The following NDST4 variants were observed in gnomAD, a reference collection of about 807,000 sequenced individuals.
The protein encoded by NDST4 is N-heparan sulfate sulfotransferase 4.
In NDST4, 63 loss-of-function variants were observed where a neutral mutation model predicts 100.8. The observed-to-expected ratio is 0.62, with a 90% CI of 0.51 to 0.77. The LOEUF is 0.77. Ranked by LOEUF, NDST4 falls within the 30% of genes least tolerant of loss-of-function variation. The pLI, the probability that NDST4 is intolerant of heterozygous loss-of-function variation, is 0.00. For synonymous variants in NDST4, 377 were observed against 361.8 expected, an observed-to-expected ratio of 1.04 and a Z score of -0.48; for missense variants, 943 against 1,018.4, an observed-to-expected ratio of 0.93 and a Z score of 1.01.
At position 115,050,858 on chromosome 4, in the gene NDST4, G is replaced by A. The variant is rs1373230373; in HGVS notation, c.978+25201C>T. On this transcript the variant is annotated intron_variant, in intron 2 of 13. Coordinates refer to ENST00000264363, the MANE Select transcript of NDST4 (RefSeq NM_022569.3). The stretch of plus-strand genomic sequence containing the variant: ...CTATAGAAATAAGTAATTTATATGT[G>A]GCTTGATGAAATACAATCTTCTTCA... Among the ~76,000 whole-genome samples the A allele has an allele frequency of 2.0e-5, 3 of 152,036 alleles. 1 individual carries two copies. Among genetic ancestry groups the A allele is most frequent in the African/African-American group, 7.2e-5 (3 of 41,438 alleles).
chr4:114,888,267 T>C (rs1394706738), intron 6 of NDST4, among the ~76,000 whole-genome samples: 3 of 151,826 alleles, frequency 2.0e-5, no homozygotes, highest in Middle Eastern at 3.2e-3. Context: ...TACCTTGCCT[T>C]TGTGCATTTC....
chr4:114,929,494 G>A (rs1008470961), intron 6 of NDST4, among the ~76,000 whole-genome samples: 1 of 151,984 alleles, frequency 6.6e-6, no homozygotes, highest in Non-Finnish European at 1.5e-5. Context: ...GTCTGTCCTG[G>A]TCTCTATCAT....
intron 12 of NDST4, among the ~76,000 whole-genome samples, chr4:114,830,435 A>G (rs1028348731): frequency 4.6e-5 from 7 of 152,190 alleles, no homozygotes; most frequent in Non-Finnish European, 7.4e-5. Context: ...AACAAATTAG[A>G]AGTGTAAAAA....
intron 6 of NDST4, among the ~76,000 whole-genome samples, chr4:114,922,242 T>G (rs926688819): frequency 6.6e-6 from 1 of 152,170 alleles, no homozygotes; most frequent in South Asian, 2.1e-4. Flanking sequence ...GGCTCAAGCA[T>G]GCACAGTAAG....
chr4:114,933,887 C>G lies in NDST4; in HGVS notation c.1536+1319G>C, dbSNP rs113078387. Among the ~76,000 whole-genome samples, 2,198 of 152,200 alleles carry G rather than the reference C, an allele frequency of 0.014. 93 individuals carry two copies. In the South Asian group the frequency reaches 0.16, roughly 11 times the overall value. On this transcript the variant is annotated intron_variant, in intron 6 of 13. Coordinates refer to ENST00000264363, the MANE Select transcript of NDST4 (RefSeq NM_022569.3). Reference sequence around the variant, plus strand: ...TGGCGAGGATGTGGAGAAAGGGGAACATTTGAACACTGTTGCTAGAAATAT... The same window carrying G: ...TGGCGAGGATGTGGAGAAAGGGGAAGATTTGAACACTGTTGCTAGAAATAT...
At chr4:114,874,776 GAT>G (rs762911206) in intron 6 of NDST4, among the ~76,000 whole-genome samples, 2 of 152,124 alleles carry the variant, frequency 1.3e-5, no homozygotes. Context: ...GAATTCAAAA[GAT>G]ATGTGGTATG....
Position 114,828,422 on chromosome 4 carries a change from A to G in NDST4, c.2500-487T>C, listed in dbSNP as rs528895987. On this transcript the variant is annotated intron_variant, in intron 13 of 13. Coordinates refer to ENST00000264363, the MANE Select transcript of NDST4 (RefSeq NM_022569.3). Reference sequence around the variant, plus strand: ...GCAATATTATGCAAAATTTTTATACATTTACTCAGAGCTGAAATATATTTT... The same window carrying G: ...GCAATATTATGCAAAATTTTTATACGTTTACTCAGAGCTGAAATATATTTT... Among the ~76,000 whole-genome samples the G allele has an allele frequency of 9.2e-5, 14 of 152,314 alleles. No homozygotes were observed. The South Asian group carries it at 2.9e-3, about 32-fold the overall frequency.
At chr4:114,918,192 TA>T (rs1253072269) in intron 6 of NDST4, among the ~76,000 whole-genome samples, 8 of 151,966 alleles carry the variant, frequency 5.3e-5, no homozygotes, top group Non-Finnish European at 1.2e-4. Flanking sequence ...TTAAAAATGT[TA>T]AAATATGCCC....
chr4:114,974,611 C>T (rs1726588687), intron 3 of NDST4, among the ~76,000 whole-genome samples: 2 of 152,220 alleles, frequency 1.3e-5, no homozygotes, highest in South Asian at 2.1e-4. Context: ...TCCATTCAAG[C>T]TCTAAATATT....
At chr4:115,081,338 G>C (rs1331670641) in intron 1 of NDST4, among the ~76,000 whole-genome samples, 1 of 152,078 alleles carries the variant, frequency 6.6e-6, no homozygotes, top group Non-Finnish European at 1.5e-5. Flanking sequence ...AGGAAGCCTG[G>C]ACCATACAAC....
intron 2 of NDST4, among the ~76,000 whole-genome samples, chr4:115,000,502 T>A (rs961085977): frequency 6.6e-6 from 1 of 152,060 alleles, no homozygotes; most frequent in Non-Finnish European, 1.5e-5. Context: ...TATTTACACA[T>A]GGACCCAAAA....
chr4:114,966,204 G>C (rs1198648632), intron 4 of NDST4, among the ~76,000 whole-genome samples: 7 of 151,840 alleles, frequency 4.6e-5, no homozygotes, highest in Admixed American at 2.6e-4. Context: ...CCACACACAT[G>C]TACACCCCCA....
rs549786651 is a variant in NDST4, at chr4:115,024,177, A to G, written c.979-46903T>C. On this transcript the variant is annotated intron_variant, in intron 2 of 13. Coordinates refer to ENST00000264363, the MANE Select transcript of NDST4 (RefSeq NM_022569.3). ...CCCACTAGGAAAATGCCCAGCAAAAACACAGGAGTGAAGCCACTCTAGAGA... is the reference window on the plus strand; with the variant it reads ...CCCACTAGGAAAATGCCCAGCAAAAGCACAGGAGTGAAGCCACTCTAGAGA... Among the ~76,000 whole-genome samples, 6 of 152,222 alleles carry G rather than the reference A, an allele frequency of 3.9e-5. No individual in the cohort carries two copies. The South Asian group carries it at 1.2e-3, about 32-fold the overall frequency.
At chr4:115,082,916 A>C (rs1269865041) in intron 1 of NDST4, among the ~76,000 whole-genome samples, 1 of 152,188 alleles carries the variant, frequency 6.6e-6, no homozygotes, top group Non-Finnish European at 1.5e-5. Context: ...AAAAATGTCT[A>C]CCAAAAATGG....
chr4:114,890,659 CCT>C (rs939783225), intron 6 of NDST4, among the ~76,000 whole-genome samples: 3 of 151,742 alleles, frequency 2.0e-5, no homozygotes, highest in Non-Finnish European at 2.9e-5. Context: ...CTAACTTTAT[CCT>C]CTCTCTCTCT....
intron 6 of NDST4, among the ~76,000 whole-genome samples, chr4:114,920,778 G>T (rs1473084749): frequency 6.6e-6 from 1 of 152,160 alleles, no homozygotes; most frequent in Non-Finnish European, 1.5e-5. Flanking sequence ...TGTTAGGTGT[G>T]AAGTTCAATG....
chr4:115,061,588 A>C (rs1239870770), intron 2 of NDST4, among the ~76,000 whole-genome samples: 1 of 150,706 alleles, frequency 6.6e-6, no homozygotes, highest in Non-Finnish European at 1.5e-5. Context: ...ACACATTGAC[A>C]CAGGGAGGGG....
chr4:114,940,526 G>A (rs1029860125), intron 4 of NDST4, among the ~76,000 whole-genome samples: 2 of 152,140 alleles, frequency 1.3e-5, no homozygotes, highest in African/African-American at 2.4e-5. Flanking sequence ...CTAACAGGAC[G>A]GGGAGCATGT....
In NDST4 at chr4:115,076,628, G is replaced by T; in HGVS notation, c.409C>A (p.Leu137Met). Residue 137 changes from leucine (L) to methionine (M), a missense_variant, in exon 2 of 14, where the codon CTG (leucine) becomes ATG (methionine). By Grantham distance (15) the Leu-to-Met change is conservative. Coordinates refer to ENST00000264363, the MANE Select transcript of NDST4 (RefSeq NM_022569.3). Reference protein sequence around the residue: ...KYTLVIYENILKYVSMDSWNR... With the variant: ...KYTLVIYENIMKYVSMDSWNR... ...CATGAGTCCATGCTGACATACTTCA[G>T]AATATTTTCATAAATAACTAAAGTA... 1 of 1,613,772 alleles carries T rather than the reference G, an allele frequency of 6.2e-7. No individual in the cohort carries two copies. The highest frequency in any genetic ancestry group is 8.5e-7 in the Non-Finnish European group (1 of 1,179,868).
Sources: allele counts gnomAD v4.1 joint callset (sites outside exome capture counted in the v4.1 genomes callset), GRCh38; gene constraint gnomAD v4.1.1; transcripts MANE v1.5; gene names NCBI Gene and HGNC (gene_info 2026-07-23, HGNC 2026-07-21).